Variants in OR8G5 observed in about 807,000 individuals in gnomAD.
The protein encoded by OR8G5 is olfactory receptor family 8 subfamily G member 5.
For missense variants in OR8G5, 347 were observed against 371.9 expected, an observed-to-expected ratio of 0.93 and a Z score of 0.55; for synonymous variants, 147 against 147.7, an observed-to-expected ratio of 1.00 and a Z score of 0.03.
chr11:124,258,471 T>C (rs533027838), intron 1 of OR8G5, among the ~76,000 whole-genome samples: 25 of 152,020 alleles, frequency 1.6e-4, no homozygotes, highest in Admixed American at 2.6e-4. Context: ...GGCAGGAGAA[T>C]TGCTTGAACC....
At chr11:124,264,723 CAT>C in intron 1 of OR8G5, 193 bp from the exon 2 acceptor site, 1 of 616,946 alleles carries the variant, frequency 1.6e-6, no homozygotes, top group Non-Finnish European at 2.8e-6. Context: ...TTATTATAAA[CAT>C]AGGTAAAATA....
intron 1 of OR8G5, among the ~76,000 whole-genome samples, chr11:124,257,233 C>T (rs1053018365): frequency 2.0e-5 from 3 of 152,066 alleles, no homozygotes; most frequent in Admixed American, 1.3e-4. Flanking sequence ...GAAGATGGAT[C>T]GTCATGCTGT....
Position 124,265,915 on chromosome 11 carries a change from T to C in OR8G5, c.*48T>C, listed in dbSNP as rs1038165076. ...TGCATTAGATCTAAGTTTTTGGCTA[T>C]GATATTGTATGAAATGATGTCTTTC... On this transcript the variant is annotated 3_prime_UTR_variant, in exon 2 of 2. Coordinates refer to ENST00000641992, the MANE Select transcript of OR8G5 (RefSeq NM_001005198.2). 2.0e-6 allele frequency: 3 copies of C among 1,509,540 alleles called. No individual in the cohort carries two copies. The highest frequency in any genetic ancestry group is 2.7e-6 in the Non-Finnish European group (3 of 1,130,284). 93.5% of individuals were successfully genotyped at this position (1,509,540 alleles called of 1,614,324 possible).
intron 1 of OR8G5, among the ~76,000 whole-genome samples, chr11:124,259,593 G>C (rs1435747105): frequency 1.3e-5 from 2 of 152,204 alleles, no homozygotes; most frequent in Admixed American, 1.3e-4. Flanking sequence ...AGAGTATATA[G>C]GGAGGTGATT....
intron 1 of OR8G5, among the ~76,000 whole-genome samples, chr11:124,262,503 C>T (rs1321020968): frequency 7.3e-6 from 1 of 136,684 alleles, no homozygotes; most frequent in Non-Finnish European, 1.6e-5. Flanking sequence ...CACACAAAAT[C>T]CTGTAGGTCT....
At chr11:124,264,564 G>T (rs1245713460) in intron 1 of OR8G5, among the ~76,000 whole-genome samples, 1 of 152,142 alleles carries the variant, frequency 6.6e-6, no homozygotes, top group African/African-American at 2.4e-5. Context: ...TGTAGACAGG[G>T]ATTGTTCTCC....
chr11:124,263,739 A>C (rs1861998992), intron 1 of OR8G5, among the ~76,000 whole-genome samples: 1 of 150,758 alleles, frequency 6.6e-6, no homozygotes, highest in Non-Finnish European at 1.5e-5. Context: ...AGTTAGTTTT[A>C]TGCTCAGGTC....
intron 1 of OR8G5, among the ~76,000 whole-genome samples, chr11:124,258,336 C>T (rs12362791): frequency 0.37 from 55,676 of 151,512 alleles, 10,422 homozygotes; most frequent in East Asian, 0.47. Flanking sequence ...TTGGGCGGAT[C>T]GCCTGAGGTC....
At chr11:124,264,011 T>C (rs11219543) in intron 1 of OR8G5, among the ~76,000 whole-genome samples, 73,338 of 152,020 alleles carry the variant, frequency 0.48, 18,467 homozygotes, top group East Asian at 0.58. Context: ...GGTAGTAAGA[T>C]TGCTGTTTCT....
chr11:124,265,000 A>C lies in OR8G5; in HGVS notation c.69A>C (p.Leu23=). The change falls in exon 2 of 2, where the codon CTA becomes CTC. Residue 23 remains leucine, a synonymous_variant. Transcript: ENST00000641992. The stretch of plus-strand genomic sequence containing the variant: ...TTGGGCTAACAGAGAAGTCAGAGCT[A>C]CAGCTGCCCCTCTTCCTCGTCTTCC... ...ILVGLTEKSE[L]QLPLFLVFLG... 1 of 1,613,968 alleles carries C rather than the reference A, an allele frequency of 6.2e-7. No individual in the cohort carries two copies.
intron 1 of OR8G5, among the ~76,000 whole-genome samples, chr11:124,258,592 A>C (rs780203610): frequency 6.9e-6 from 1 of 145,272 alleles, no homozygotes; most frequent in African/African-American, 2.4e-5. Flanking sequence ...AATAATAATA[A>C]AAAAGACATT....
Position 124,265,481 on chromosome 11 carries a change from A to C in OR8G5, c.550A>C (p.Ile184Leu). The C allele has an allele frequency of 1.9e-6, 3 of 1,613,954 alleles. No individual in the cohort carries two copies. Among genetic ancestry groups the C allele is most frequent in the Non-Finnish European group, 2.5e-6 (3 of 1,179,872 alleles). Residue 184 changes from isoleucine to leucine, a missense_variant, in exon 2 of 2, where the codon ATC becomes CTC. Physicochemically the swap from Ile to Leu is conservative, Grantham distance 5. Transcript: ENST00000641992. ...INHYFCDLIS[I>L]LKLSCSSTYI... ...CCATTATTTCTGTGATCTTATTTCTATCTTGAAGCTCTCCTGTTCTAGTAC... is the reference window on the plus strand; with the variant it reads ...CCATTATTTCTGTGATCTTATTTCTCTCTTGAAGCTCTCCTGTTCTAGTAC...
chr11:124,261,265 T>C (rs1046161869), intron 1 of OR8G5, among the ~76,000 whole-genome samples: 3 of 151,918 alleles, frequency 2.0e-5, no homozygotes, highest in Admixed American at 6.6e-5. Flanking sequence ...TCATTGTATA[T>C]GTTTTGCTTT....
rs1450981740 is a variant in OR8G5, at chr11:124,264,904, T to C, written c.-14-14T>C. ...CAATTCACCTAAATACCATGTTTTT[T>C]CTCTCCCCTGCAGAAACTCATCAAA... On this transcript the variant is annotated splice_polypyrimidine_tract_variant and intron_variant, in intron 1 of 1. Coordinates refer to ENST00000641992, the MANE Select transcript of OR8G5 (RefSeq NM_001005198.2). 1 of 1,612,556 alleles carries C rather than the reference T, an allele frequency of 6.2e-7. No homozygotes were observed. The highest frequency in any genetic ancestry group is 8.5e-7 in the Non-Finnish European group (1 of 1,178,852).
intron 1 of OR8G5, among the ~76,000 whole-genome samples, chr11:124,260,684 T>TTTTTAAAAAATTAGTTGATACATAA: frequency 6.6e-6 from 1 of 151,816 alleles, no homozygotes; most frequent in Admixed American, 6.6e-5. Flanking sequence ...CTTATTAGGG[T>TTTTTAAAAAATTAGTTGATACATAA]TTTTAAAAAA....
chr11:124,265,697 G>A lies in OR8G5; in HGVS notation c.766G>A (p.Ala256Thr), dbSNP rs1403562911. ...SAVSVFFGSA[A>T]FMYLQPSSVS... ...TGTTTCTGTTTTCTTTGGGTCTGCAGCATTCATGTACCTGCAGCCATCATC... is the reference window on the plus strand; with the variant it reads ...TGTTTCTGTTTTCTTTGGGTCTGCAACATTCATGTACCTGCAGCCATCATC... Residue 256 changes from alanine (A) to threonine (T), a missense_variant, in exon 2 of 2, where the codon GCA becomes ACA. By Grantham distance (58) the Ala-to-Thr change is moderately conservative (BLOSUM62 0). Coordinates refer to ENST00000641992, the MANE Select transcript of OR8G5 (RefSeq NM_001005198.2). 1 of 1,614,044 alleles carries A rather than the reference G, an allele frequency of 6.2e-7. No homozygotes were observed. Among genetic ancestry groups the A allele is most frequent in the Non-Finnish European group, 8.5e-7 (1 of 1,179,928 alleles).
At chr11:124,263,710 GT>G (rs1486981360) in intron 1 of OR8G5, among the ~76,000 whole-genome samples, 2 of 134,698 alleles carry the variant, frequency 1.5e-5, no homozygotes, top group Non-Finnish European at 3.3e-5. Context: ...TTTATCAGTT[GT>G]TTTTCCAGAA....
intron 1 of OR8G5, among the ~76,000 whole-genome samples, chr11:124,260,386 C>G (rs1861958044): frequency 1.3e-5 from 2 of 151,526 alleles, no homozygotes; most frequent in Non-Finnish European, 3.0e-5. Context: ...GGAAGAGGAT[C>G]AGAAAAAAAT....
Position 124,265,944 on chromosome 11 carries a change from T to G in OR8G5, c.*77T>G, listed in dbSNP as rs1862026580. On this transcript the variant is annotated 3_prime_UTR_variant, in exon 2 of 2. Transcript: ENST00000641992. ...ATTGTATGAAATGATGTCTTTCACT[T>G]TAGTGCATCTGTCAACATTCTTTCT... 1 of 1,448,478 alleles carries G rather than the reference T, an allele frequency of 6.9e-7. No individual in the cohort carries two copies. Among genetic ancestry groups the G allele is most frequent in the South Asian group, 1.5e-5 (1 of 68,192 alleles). 89.7% of individuals were successfully genotyped at this position (1,448,478 alleles called of 1,614,324 possible). A position where few individuals can be genotyped will look rare whatever the true frequency, so the allele number is the denominator to read the frequency against.
Sources: allele counts gnomAD v4.1 joint callset (sites outside exome capture counted in the v4.1 genomes callset), GRCh38; gene constraint gnomAD v4.1.1; transcripts MANE v1.5; gene names NCBI Gene and HGNC (gene_info 2026-07-23, HGNC 2026-07-21).